SYNPR: variants seen among roughly 807,000 people sequenced by gnomAD.
SYNPR encodes synaptoporin.
SYNPR carries 23 observed loss-of-function variants against 32.9 expected under a neutral mutation model. The observed-to-expected ratio is 0.70, with a 90% CI of 0.50 to 0.99. SYNPR has a LOEUF of 0.99. SYNPR is among the 50% of genes least tolerant of loss of function. The pLI is 0.00. For missense variants in SYNPR, 318 were observed against 349.3 expected, an observed-to-expected ratio of 0.91 and a Z score of 0.71; for synonymous variants, 146 against 135.9, an observed-to-expected ratio of 1.07 and a Z score of -0.52.
At chr3:63,320,469 T>C (rs1242554832) in intron 2 of SYNPR, among the ~76,000 whole-genome samples, 6 of 152,020 alleles carry the variant, frequency 3.9e-5, no homozygotes, top group Non-Finnish European at 7.4e-5. Context: ...TAGTGGAACA[T>C]TGTAAAGCCA....
At chr3:63,252,638 T>A (rs1485958025) in intron 2 of SYNPR, 1 of 152,186 alleles carries the variant, frequency 6.6e-6, no homozygotes, top group East Asian at 1.9e-4. Flanking sequence ...GGAGGCATGA[T>A]TTGAAAAGCT....
At position 63,533,822 on chromosome 3, in the gene SYNPR, G is replaced by T. The variant is rs13059982; in HGVS notation, c.210-22721G>T. Among the ~76,000 whole-genome samples the T allele has an allele frequency of 8.2e-3, 1,244 of 152,170 alleles. 10 individuals are homozygous for T. Among genetic ancestry groups the T allele is most frequent in the Non-Finnish European group, 0.013 (876 of 67,998 alleles). On this transcript the variant is annotated intron_variant, in intron 3 of 5. Coordinates refer to ENST00000478300, the MANE Select transcript of SYNPR (RefSeq NM_001130003.2). Reference sequence around the variant, plus strand: ...ATGCCCATCCCTTGGCTATCGAATAGACCCTTCCATAAAAGAAATGCAGTC... The same window carrying T: ...ATGCCCATCCCTTGGCTATCGAATATACCCTTCCATAAAAGAAATGCAGTC...
Position 63,264,375 on chromosome 3 carries a change from G to C in SYNPR, n.155-2942G>C, listed in dbSNP as rs184735254. On this transcript the variant is annotated intron_variant and non_coding_transcript_variant, in intron 2 of 4. Transcript: ENST00000478456. ...AAGCGAAACAATAATATACCTGAAA[G>C]GCACTCTTACAAGCCTGTTTGAAAA... is the stretch of plus-strand genomic sequence containing the variant. 2.7e-5 allele frequency among the ~76,000 whole-genome samples: 4 copies of C among 150,438 alleles called. No homozygotes were observed. The Admixed American group carries it at 2.7e-4, about 10-fold the overall frequency.
intron 3 of SYNPR, among the ~76,000 whole-genome samples, chr3:63,528,521 C>T (rs150126977): frequency 4.6e-5 from 7 of 152,080 alleles, no homozygotes; most frequent in Non-Finnish European, 7.4e-5. Context: ...ACTCCCAGGG[C>T]GGTTACCATT....
rs77275329 is a variant in SYNPR at position 63,471,864 on chromosome 3, G to A, written c.85-8968G>A. On this transcript the variant is annotated intron_variant, in intron 2 of 5. Transcript: ENST00000478300. ...AACCTATGAGCTGTTGAATTGTGAA[G>A]CTGCATGAAAGTGAGGAACCTGGCA... 8.4e-3 allele frequency among the ~76,000 whole-genome samples: 1,273 copies of A among 152,296 alleles called. 54 individuals carry two copies. In the East Asian group the frequency reaches 0.13, roughly 16 times the overall value.
At chr3:63,287,493 T>C (rs1010840561) in intron 2 of SYNPR, among the ~76,000 whole-genome samples, 4 of 152,232 alleles carry the variant, frequency 2.6e-5, no homozygotes, top group Non-Finnish European at 5.9e-5. Flanking sequence ...TCAGAGTAAA[T>C]GCAGTGTGAG....
chr3:63,407,485 T>G (rs1269677972), intron 2 of SYNPR, among the ~76,000 whole-genome samples: 1 of 152,310 alleles, frequency 6.6e-6, no homozygotes, highest in East Asian at 1.9e-4. Context: ...ATTTTATTAT[T>G]TGTAAAATGG....
upstream of SYNPR, among the ~76,000 whole-genome samples, chr3:63,276,428 G>T (rs960659330): frequency 6.6e-6 from 1 of 152,140 alleles, no homozygotes; most frequent in Admixed American, 6.5e-5. Context: ...ATGAAATGCA[G>T]ACTGCCCTAG....
intron 1 of SYNPR, among the ~76,000 whole-genome samples, chr3:63,237,008 C>G (rs2086205295): frequency 1.3e-5 from 2 of 152,228 alleles, no homozygotes; most frequent in African/African-American, 4.8e-5. Flanking sequence ...TTCACAGATG[C>G]TCTTTATCAA....
intron 2 of SYNPR, among the ~76,000 whole-genome samples, chr3:63,294,524 C>A (rs1046433132): frequency 6.6e-6 from 1 of 152,166 alleles, no homozygotes; most frequent in East Asian, 1.9e-4. Context: ...ATGCTGTTCA[C>A]GTGGACTTTT....
chr3:63,408,277 GAGGAAGGA>G (rs71126602), intron 2 of SYNPR, among the ~76,000 whole-genome samples: 1 of 45,644 alleles, frequency 2.2e-5, no homozygotes, highest in Non-Finnish European at 3.9e-5. Context: ...AAGAAAGAAA[GAGGAAGGA>G]AGGAAGGAAG....
intron 2 of SYNPR, among the ~76,000 whole-genome samples, chr3:63,363,551 T>G (rs2087690271): frequency 6.6e-6 from 1 of 152,146 alleles, no homozygotes; most frequent in African/African-American, 2.4e-5. Context: ...AACACGTAGG[T>G]TTGGGTTGTT....
chr3:63,238,484 A>G (rs2086215261), intron 1 of SYNPR, among the ~76,000 whole-genome samples: 1 of 151,804 alleles, frequency 6.6e-6, no homozygotes, highest in Non-Finnish European at 1.5e-5. Flanking sequence ...TCCCTCTCCC[A>G]TCTGCTGAGA....
At chr3:63,591,071 A>C (rs958229726) in intron 4 of SYNPR, among the ~76,000 whole-genome samples, 5 of 149,954 alleles carry the variant, frequency 3.3e-5, no homozygotes, top group Admixed American at 6.6e-5. Flanking sequence ...ACAAAGGGCT[A>C]ATATCCAGAA....
chr3:63,318,663 G>A (rs2087071522), intron 2 of SYNPR, among the ~76,000 whole-genome samples: 1 of 151,826 alleles, frequency 6.6e-6, no homozygotes, highest in Admixed American at 6.6e-5. Flanking sequence ...TTCACTTCTT[G>A]TATCATTTTT....
At chr3:63,258,063 C>T (rs929306593) in intron 2 of SYNPR, among the ~76,000 whole-genome samples, 2 of 152,180 alleles carry the variant, frequency 1.3e-5, no homozygotes, top group East Asian at 3.9e-4. Context: ...GCACCCAGAT[C>T]CATAAAGCAA....
At chr3:63,550,417 A>T (rs1464511945) in intron 3 of SYNPR, among the ~76,000 whole-genome samples, 1 of 151,768 alleles carries the variant, frequency 6.6e-6, no homozygotes, top group Non-Finnish European at 1.5e-5. Flanking sequence ...ATATATATAT[A>T]TTTTACCCAG....
intron 2 of SYNPR, among the ~76,000 whole-genome samples, chr3:63,338,398 T>C (rs1428273214): frequency 6.6e-6 from 1 of 152,170 alleles, no homozygotes; most frequent in African/African-American, 2.4e-5. Flanking sequence ...AGTGTCTAGC[T>C]TTCTCGATCA....
intron 2 of SYNPR, among the ~76,000 whole-genome samples, chr3:63,320,887 C>T (rs894464490): frequency 1.3e-5 from 2 of 152,172 alleles, no homozygotes; most frequent in South Asian, 4.1e-4. Flanking sequence ...TTTTCAGAAA[C>T]ACTGCCATCT....
Sources: allele counts gnomAD v4.1 joint callset (sites outside exome capture counted in the v4.1 genomes callset), GRCh38; gene constraint gnomAD v4.1.1; transcripts MANE v1.5; gene names NCBI Gene and HGNC (gene_info 2026-07-23, HGNC 2026-07-21).